MASP2: variants seen among roughly 807,000 people sequenced by gnomAD.
MASP2 encodes the protein MBL associated serine protease 2.
Under a neutral mutation model 57.1 loss-of-function variants are expected in MASP2, and 49 were observed. The observed-to-expected ratio is 0.86, with a 90% confidence interval of 0.68 to 1.09. The LOEUF is 1.09. MASP2 is among the 50% of genes least tolerant of loss of function. The pLI is 0.00. For missense variants in MASP2, 900 were observed against 874.8 expected, an observed-to-expected ratio of 1.03 and a Z score of -0.36; for synonymous variants, 379 against 340.8, an observed-to-expected ratio of 1.11 and a Z score of -1.24.
In MASP2 at chr1:11,034,828, T is replaced by C; in HGVS notation, c.1087A>G (p.Ile363Val). The change falls in exon 8 of 11, where the codon ATT (isoleucine) becomes GTT (valine). Residue 363 changes from isoleucine to valine, a missense_variant and splice_region_variant. Transcript: ENST00000400897. ...SWDRPMPACS[I>V]VDCGPPDDLP... ...GCCTGTAGTCACCACACGACCGTACTGCTGCACGCGGGCATTGGCCGGTCC... is the reference window on the plus strand; with the variant it reads ...GCCTGTAGTCACCACACGACCGTACCGCTGCACGCGGGCATTGGCCGGTCC... 6.2e-7 allele frequency: 1 copy of C among 1,611,152 alleles called. No homozygotes were observed. The highest frequency in any genetic ancestry group is 1.1e-5 in the South Asian group (1 of 90,506).
rs1457466063 is a variant in MASP2, at chr1:11,043,319, G to A, written c.741+20C>T. Reference sequence around the variant, plus strand: ...TGAGGGGGAGGATCTGGGACAAGATGAGGGGCCCAGGAGCCAGACCTTGAG... The same window carrying A: ...TGAGGGGGAGGATCTGGGACAAGATAAGGGGCCCAGGAGCCAGACCTTGAG... On this transcript the variant is annotated intron_variant, in intron 5 of 10. Coordinates refer to ENST00000400897, the MANE Select transcript of MASP2 (RefSeq NM_006610.4). 3 of 1,590,728 alleles carry A rather than the reference G, an allele frequency of 1.9e-6. No homozygotes were observed. In the East Asian group the frequency reaches 6.7e-5, roughly 36 times the overall value.
intron 7 of MASP2, among the ~76,000 whole-genome samples, chr1:11,036,593 T>A (rs1638245414): frequency 6.9e-6 from 1 of 144,578 alleles, no homozygotes; most frequent in Non-Finnish European, 1.5e-5. Flanking sequence ...GAAAAGAGCC[T>A]GCACAAGAAG....
chr1:11,034,824 G>A lies in MASP2; in HGVS notation c.1087+4C>T, dbSNP rs770608147. On this transcript the variant is annotated splice_donor_region_variant and intron_variant, in intron 8 of 10. Transcript: ENST00000400897. ...TGGGGCCTGTAGTCACCACACGACC[G>A]TACTGCTGCACGCGGGCATTGGCCG... 73 of 1,609,182 alleles carry A rather than the reference G, an allele frequency of 4.5e-5. No homozygotes were observed. The Admixed American group carries it at 7.1e-4, about 16-fold the overall frequency.
At chr1:11,033,640 G>A (rs1268917854) in intron 8 of MASP2, among the ~76,000 whole-genome samples, 4 of 151,208 alleles carry the variant, frequency 2.6e-5, no homozygotes, top group East Asian at 2.0e-4. Flanking sequence ...GTGAGACTCC[G>A]TCTCCAAAAA....
chr1:11,028,088 G>C (rs1643770495), intron 10 of MASP2, among the ~76,000 whole-genome samples: 2 of 152,070 alleles, frequency 1.3e-5, no homozygotes, highest in Non-Finnish European at 2.9e-5. Context: ...CGGGCGTGGT[G>C]ATGGGCACCT....
Position 11,027,019 on chromosome 1 carries a change from C to A in MASP2, c.1927G>T (p.Glu643Ter). The change falls in exon 11 of 11, where the codon GAA (glutamate) becomes TAA (stop). Residue 643 changes from glutamate to a stop codon, truncating the protein, a stop_gained. Coordinates refer to ENST00000400897, the MANE Select transcript of MASP2 (RefSeq NM_006610.4). LOFTEE classifies it high-confidence loss of function. ...SGGALVFLDS[E>*]TERWFVGGIV... ...CCTCCCACAAACCACCTCTCTGTTT[C>A]ACTATCTAGAAACACCAGTGCCCCT... 6.3e-7 allele frequency: 1 copy of A among 1,598,572 alleles called. No homozygotes were observed. The highest frequency in any genetic ancestry group is 1.3e-5 in the African/African-American group (1 of 74,506).
chr1:11,038,869 G>A (rs1365705231), intron 6 of MASP2, among the ~76,000 whole-genome samples: 3 of 152,180 alleles, frequency 2.0e-5, no homozygotes, highest in Non-Finnish European at 4.4e-5. Flanking sequence ...GGCAGAGTGT[G>A]TAGATCCTGG....
intron 6 of MASP2, among the ~76,000 whole-genome samples, chr1:11,041,246 TAGA>T (rs1557674002): frequency 6.8e-6 from 1 of 147,378 alleles, no homozygotes; most frequent in Non-Finnish European, 1.5e-5. Flanking sequence ...GATGGGTGGA[TAGA>T]AGGATGAGTG....
At chr1:11,030,938 C>T (rs544239422) in intron 8 of MASP2, 56 bp from the exon 9 acceptor site, 121 of 1,577,252 alleles carry the variant, frequency 7.7e-5, no homozygotes, top group Middle Eastern at 4.4e-4. Context: ...GCTAACTTTC[C>T]AAAGGTCTGG....
At chr1:11,045,033 G>T in intron 4 of MASP2, 1 of 1,396,958 alleles carries the variant, frequency 7.2e-7, no homozygotes, top group Non-Finnish European at 1.0e-6. Flanking sequence ...AGCGCCAGCA[G>T]GTGGGGCTGC....
rs751945626 is a variant in MASP2 at position 11,042,986 on chromosome 1, C to CA, written c.777dup (p.Gly260TrpfsTer9). 3.1e-6 allele frequency: 5 copies of CA among 1,614,014 alleles called. No individual in the cohort carries two copies. Among genetic ancestry groups the CA allele is most frequent in the Non-Finnish European group, 4.2e-6 (5 of 1,179,936 alleles). ...TCAATCCTGTGGGGCAATGTCTTCC[C>CA]ACAGAATGGGCCATGTTCTTCTCTG... is the stretch of plus-strand genomic sequence containing the variant. On this transcript the variant is annotated frameshift_variant, in exon 6 of 11. Coordinates refer to ENST00000400897, the MANE Select transcript of MASP2 (RefSeq NM_006610.4). LOFTEE classifies it high-confidence loss of function.
At position 11,027,414 on chromosome 1, in the gene MASP2, T is replaced by C; in HGVS notation, c.1532A>G (p.Gln511Arg). The C allele has an allele frequency of 4.3e-6, 7 of 1,614,200 alleles. No homozygotes were observed. The East Asian group carries it at 1.3e-4, about 31-fold the overall frequency. Residue 511 changes from glutamine to arginine, a missense_variant, in exon 11 of 11, where the codon CAA (glutamine) becomes CGA (arginine). Gln to Arg is a conservative substitution (Grantham distance 43). Transcript: ENST00000400897. ...TLKRLSPHYT[Q>R]AWSEAVFIHE... ...TATAAAAACAGCTTCAGACCAGGCT[T>C]GTGTATAATGAGGTGATAGTCTTTT...
chr1:11,039,172 A>T (rs1638337939), intron 6 of MASP2, among the ~76,000 whole-genome samples: 2 of 152,208 alleles, frequency 1.3e-5, no homozygotes, highest in African/African-American at 4.8e-5. Context: ...CACATTGCCC[A>T]GTGCTTGGCT....
chr1:11,036,519 AAAAAAAAAAAAAAAAAAAC>A (rs2100886797), intron 7 of MASP2, among the ~76,000 whole-genome samples: 1 of 130,238 alleles, frequency 7.7e-6, no homozygotes, highest in African/African-American at 4.0e-5. Context: ...TCAAAAAAAA[AAAAAAAAAAAAAAAAAAAC>A]AAAAAAAAAA....
intron 10 of MASP2, chr1:11,029,853 G>A (rs1643812163): frequency 1.7e-5 from 3 of 181,344 alleles, no homozygotes; most frequent in South Asian, 2.5e-4. Flanking sequence ...GGTCAGGCTG[G>A]CCTCAGGTGA....
intron 5 of MASP2, 145 bp downstream of exon 5, chr1:11,043,194 G>T (rs2100901624): frequency 1.0e-6 from 1 of 973,036 alleles, no homozygotes; most frequent in Admixed American, 2.4e-5. Flanking sequence ...GAAGGCCCCA[G>T]CCTTGGACCT....
chr1:11,044,946 G>T (rs757865142), intron 4 of MASP2: 3 of 1,609,934 alleles, frequency 1.9e-6, no homozygotes, highest in Admixed American at 1.7e-5. Context: ...GAGGCTAGAG[G>T]CTCTGCTCTG....
At chr1:11,045,363 G>A (rs377402084) in intron 4 of MASP2, 45 bp downstream of exon 4, 8 of 1,610,856 alleles carry the variant, frequency 5.0e-6, no homozygotes, top group Admixed American at 1.7e-5. Context: ...GGAGCCCCGG[G>A]TATCCCAGGA....
chr1:11,028,838 T>C (rs1331550937), intron 10 of MASP2, among the ~76,000 whole-genome samples: 20 of 141,850 alleles, frequency 1.4e-4, no homozygotes, highest in South Asian at 4.9e-4. Context: ...CTCAGCCTCC[T>C]GAGTAGCTGG....
Sources: allele counts gnomAD v4.1 joint callset (sites outside exome capture counted in the v4.1 genomes callset), GRCh38; gene constraint gnomAD v4.1.1; transcripts MANE v1.5; gene names NCBI Gene and HGNC (gene_info 2026-07-23, HGNC 2026-07-21).